The following USP22 variants were observed in gnomAD, a reference collection of about 807,000 sequenced individuals.
USP22 encodes ubiquitin specific peptidase 22.
Under a neutral mutation model 68.1 loss-of-function variants are expected in USP22, and 22 were observed. The ratio of observed to expected loss-of-function variants is 0.32; its 90% CI spans 0.23 to 0.46. The LOEUF (loss-of-function observed/expected upper bound fraction) is 0.46. USP22 is among the 20% of genes least tolerant of loss of function. The pLI, the probability that USP22 is intolerant of heterozygous loss-of-function variation, is 1.00. For missense variants in USP22, 433 were observed against 695.8 expected (o/e 0.62, Z 4.25); for synonymous variants, 279 against 274.2 (o/e 1.02, Z -0.17).
chr17:21,008,679 G>A (rs1374991616), intron 8 of USP22, among the ~76,000 whole-genome samples: 1 of 152,196 alleles, frequency 6.6e-6, no homozygotes, highest in Non-Finnish European at 1.5e-5. Flanking sequence ...TGGCCAGGGC[G>A]TCGCACCACA....
chr17:21,019,080 C>G lies in USP22; in HGVS notation c.520+4G>C. On this transcript the variant is annotated splice_donor_region_variant and intron_variant, in intron 4 of 12. Coordinates refer to ENST00000261497, the MANE Select transcript of USP22 (RefSeq NM_015276.2). Reference sequence around the variant, plus strand: ...AGCTGAGAGTGACGACACGCTCCACCCACCTATGGTGCAGTTCGAGGTGAT... The same window carrying G: ...AGCTGAGAGTGACGACACGCTCCACGCACCTATGGTGCAGTTCGAGGTGAT... 1.9e-6 allele frequency: 3 copies of G among 1,613,888 alleles called. No individual in the cohort carries two copies. The highest frequency in any genetic ancestry group is 2.5e-6 in the Non-Finnish European group (3 of 1,179,812).
intron 2 of USP22, among the ~76,000 whole-genome samples, chr17:21,027,320 C>T (rs945416999): frequency 2.4e-4 from 23 of 96,862 alleles, no homozygotes; most frequent in Non-Finnish European, 4.5e-4. Context: ...ATCAGACACA[C>T]TATCTGTGTC....
intron 6 of USP22, among the ~76,000 whole-genome samples, chr17:21,013,650 G>C (rs1914038016): frequency 6.6e-6 from 1 of 152,238 alleles, no homozygotes; most frequent in Non-Finnish European, 1.5e-5. Context: ...CAGAGGAATA[G>C]AGAAGGGCCA....
intron 1 of USP22, among the ~76,000 whole-genome samples, chr17:21,041,541 T>C (rs1972431208): frequency 6.6e-6 from 1 of 152,134 alleles, no homozygotes; most frequent in African/African-American, 2.4e-5. Context: ...GAGATTGTAG[T>C]GAGCCGAAAT....
In USP22 at chr17:21,001,568, T is replaced by C. The variant is rs1379906254; in HGVS notation, c.*1463A>G. 6.6e-6 allele frequency: 1 copy of C among 152,200 alleles called. No homozygotes were observed. The highest frequency in any genetic ancestry group is 1.5e-5 in the Non-Finnish European group (1 of 68,048). The allele number at this position is 152,200 out of a possible 1,614,324, so 9.4% of individuals were successfully genotyped here. On this transcript the variant is annotated 3_prime_UTR_variant, in exon 13 of 13. Transcript: ENST00000261497. ...TCTGTACTATTTATGGCAGAGACCA[T>C]ACAGCCCACAGAGCCAACAGTGTTT...
chr17:21,015,424 G>T (rs1003829136), intron 6 of USP22, among the ~76,000 whole-genome samples: 2 of 152,136 alleles, frequency 1.3e-5, no homozygotes, highest in African/African-American at 4.8e-5. Flanking sequence ...TAACCCACAG[G>T]GTCCCAGAAA....
intron 2 of USP22, 116 bp downstream of exon 2, chr17:21,028,426 T>C: frequency 6.7e-7 from 1 of 1,488,688 alleles, no homozygotes; most frequent in African/African-American, 1.4e-5. Flanking sequence ...GGGGCACGCA[T>C]TACTTGAGAC....
intron 2 of USP22, among the ~76,000 whole-genome samples, chr17:21,023,854 A>G (rs1269495543): frequency 6.6e-6 from 1 of 152,192 alleles, no homozygotes; most frequent in Non-Finnish European, 1.5e-5. Flanking sequence ...GCTGATAGCA[A>G]CGGTACTAGT....
At chr17:21,011,008 G>C in intron 8 of USP22, 143 bp downstream of exon 8, 1 of 1,165,696 alleles carries the variant, frequency 8.6e-7, no homozygotes, top group Non-Finnish European at 1.1e-6. Flanking sequence ...ACTAGCACAA[G>C]AGACTGCAGC....
intron 4 of USP22, 135 bp from the exon 5 acceptor site, chr17:21,018,246 A>G (rs964093990): frequency 2.5e-5 from 20 of 809,774 alleles, no homozygotes; most frequent in Non-Finnish European, 3.3e-5. Context: ...ACGATGAGAT[A>G]TCGCATTCTG....
chr17:21,022,010 G>A (rs986375038), intron 2 of USP22, among the ~76,000 whole-genome samples: 17 of 152,136 alleles, frequency 1.1e-4, no homozygotes, highest in African/African-American at 4.1e-4. Flanking sequence ...TGAGGCGTGA[G>A]AACAGCTGAA....
At position 21,021,250 on chromosome 17, in the gene USP22, G is replaced by A; in HGVS notation, c.305-24C>T. On this transcript the variant is annotated intron_variant, in intron 2 of 12. Coordinates refer to ENST00000261497, the MANE Select transcript of USP22 (RefSeq NM_015276.2). Reference sequence around the variant, plus strand: ...GGCTGAGGAGAGAAAGGAGGGAGGAGAAACCAAGTTGAATTAAAAACCACA... The same window carrying A: ...GGCTGAGGAGAGAAAGGAGGGAGGAAAAACCAAGTTGAATTAAAAACCACA... The A allele has an allele frequency of 2.6e-6, 4 of 1,544,312 alleles. No homozygotes were observed. In the South Asian group the frequency reaches 4.5e-5, roughly 17 times the overall value.
Position 21,036,190 on chromosome 17 carries a change from G to A in USP22, c.171+6475C>T, listed in dbSNP as rs982500899. Among the ~76,000 whole-genome samples, 15 of 152,102 alleles carry A rather than the reference G, an allele frequency of 9.9e-5. 1 individual carries two copies. Among genetic ancestry groups the A allele is most frequent in the Admixed American group, 9.8e-4 (15 of 15,264 alleles). ...AGGGAAAAACCTCCGAGATGGAGAC[G>A]AGACCAGTGGTTGTGGAGAGTTAGA... On this transcript the variant is annotated intron_variant, in intron 1 of 12. Transcript: ENST00000261497.
chr17:21,007,564 A>C (rs548936519), intron 9 of USP22, among the ~76,000 whole-genome samples: 2 of 151,936 alleles, frequency 1.3e-5, no homozygotes, highest in African/African-American at 4.9e-5. Flanking sequence ...AAAATAAAAC[A>C]GAAAACCTGA....
At chr17:21,038,069 A>G (rs1972379272) in intron 1 of USP22, among the ~76,000 whole-genome samples, 1 of 152,214 alleles carries the variant, frequency 6.6e-6, no homozygotes, top group Non-Finnish European at 1.5e-5. Context: ...TGAAAGATCC[A>G]GTTCACTATA....
upstream of USP22, chr17:21,043,308 C>T (rs1359336392): frequency 2.7e-5 from 2 of 75,180 alleles, no homozygotes; most frequent in Non-Finnish European, 6.4e-5. Flanking sequence ...CACCCCCCCC[C>T]CCCCCCCGGC....
intron 8 of USP22, among the ~76,000 whole-genome samples, chr17:21,009,468 C>A (rs60329988): frequency 0.75 from 112,829 of 151,408 alleles, 42,491 homozygotes; most frequent in South Asian, 0.82. Context: ...AGTGGGGACC[C>A]GGGTGCACTC....
At chr17:21,034,142 C>T (rs140105665) in intron 1 of USP22, among the ~76,000 whole-genome samples, 24 of 152,242 alleles carry the variant, frequency 1.6e-4, no homozygotes, top group African/African-American at 5.3e-4. Context: ...TTAAGTTCCC[C>T]AACCTCAAAA....
At position 21,004,362 on chromosome 17, in the gene USP22, A is replaced by G. The variant is rs1597686597; in HGVS notation, c.1386-11T>C. On this transcript the variant is annotated splice_polypyrimidine_tract_variant and intron_variant, in intron 11 of 12. Coordinates refer to ENST00000261497, the MANE Select transcript of USP22 (RefSeq NM_015276.2). ...GCAAACAGGGAATACCTAGTGCAGG[A>G]GCAAAGGAGAGGGAGGGCGCAGGTG... is the stretch of plus-strand genomic sequence containing the variant. The G allele has an allele frequency of 6.2e-7, 1 of 1,613,262 alleles. No homozygotes were observed. Among genetic ancestry groups the G allele is most frequent in the Non-Finnish European group, 8.5e-7 (1 of 1,179,296 alleles).
Sources: gnomAD v4.1 joint callset for allele counts (sites outside exome capture counted in the v4.1 genomes callset) on GRCh38, gnomAD v4.1.1 for gene constraint, MANE v1.5 for transcripts, NCBI Gene and HGNC (gene_info 2026-07-23, HGNC 2026-07-21) for gene names.